Variants in RASSF3 observed in about 807,000 individuals in gnomAD.
RASSF3 encodes the protein ras association domain-containing protein 3.
Under a neutral mutation model 19.9 loss-of-function variants are expected in RASSF3, and 19 were observed. The observed-to-expected ratio is 0.96, with a 90% CI of 0.67 to 1.40. The LOEUF is 1.40. Among genes scored for constraint, RASSF3 ranks in the 40% most tolerant of loss-of-function variants. RASSF3 has a pLI of 0.00. For missense variants in RASSF3, 306 were observed against 289.8 expected (o/e 1.06, Z -0.41); for synonymous variants, 110 against 104.2 (o/e 1.06, Z -0.34).
chr12:64,606,289 C>T (rs573893713), upstream of RASSF3, among the ~76,000 whole-genome samples: 3 of 152,146 alleles, frequency 2.0e-5, no homozygotes, highest in Non-Finnish European at 4.4e-5. Flanking sequence ...TGAGATTGGA[C>T]TTCTTTTCCC....
chr12:64,673,712 C>T (rs1376148364), intron 1 of RASSF3, among the ~76,000 whole-genome samples: 3 of 152,088 alleles, frequency 2.0e-5, no homozygotes, highest in East Asian at 3.8e-4. Flanking sequence ...TCTTACATAG[C>T]TCACCTAGAA....
intron 2 of RASSF3, among the ~76,000 whole-genome samples, chr12:64,602,405 C>T (rs1163291191): frequency 1.3e-5 from 2 of 151,386 alleles, no homozygotes; most frequent in African/African-American, 4.9e-5. Flanking sequence ...ATGGTGAAAC[C>T]CCATCTCTAC....
intron 2 of RASSF3, among the ~76,000 whole-genome samples, chr12:64,582,149 A>G (rs1221570208): frequency 6.6e-6 from 1 of 152,286 alleles, no homozygotes; most frequent in Non-Finnish European, 1.5e-5. Flanking sequence ...CACTGTGCCC[A>G]GCTGACGATG....
intron 1 of RASSF3, among the ~76,000 whole-genome samples, chr12:64,629,206 A>G (rs1309308301): frequency 1.3e-5 from 2 of 151,524 alleles, no homozygotes; most frequent in Non-Finnish European, 1.5e-5. Context: ...GGTTCAAGCA[A>G]TCCTCCCACC....
At chr12:64,593,484 G>A (rs906062888) in intron 2 of RASSF3, among the ~76,000 whole-genome samples, 1 of 152,110 alleles carries the variant, frequency 6.6e-6, no homozygotes. Flanking sequence ...GCCTCCCAAA[G>A]TGCTGGGATT....
intron 1 of RASSF3, among the ~76,000 whole-genome samples, chr12:64,622,101 A>C (rs1049961423): frequency 1.3e-5 from 2 of 152,066 alleles, no homozygotes; most frequent in Non-Finnish European, 2.9e-5. Context: ...ACCAGGCTGG[A>C]GTGCAGTGGC....
intron 1 of RASSF3, among the ~76,000 whole-genome samples, chr12:64,629,426 TAGA>T (rs1871098019): frequency 6.6e-6 from 1 of 152,220 alleles, no homozygotes; most frequent in East Asian, 1.9e-4. Flanking sequence ...TTCTTCCAGC[TAGA>T]AGGACTATAC....
intron 2 of RASSF3, among the ~76,000 whole-genome samples, chr12:64,595,656 C>A (rs921899659): frequency 6.6e-6 from 1 of 152,116 alleles, no homozygotes. Flanking sequence ...GGAAAAGTTT[C>A]TTCTTCTACA....
At chr12:64,668,595 C>G (rs1288843114) in intron 1 of RASSF3, among the ~76,000 whole-genome samples, 1 of 151,838 alleles carries the variant, frequency 6.6e-6, no homozygotes, top group Admixed American at 6.6e-5. Flanking sequence ...CTTTTAATCA[C>G]CCTGGCTTGG....
intron 1 of RASSF3, among the ~76,000 whole-genome samples, chr12:64,514,464 C>G (rs538744707): frequency 3.3e-5 from 5 of 152,068 alleles, no homozygotes; most frequent in African/African-American, 1.2e-4. Context: ...AGATTACAGG[C>G]GTGAGCCACC....
chr12:64,527,268 C>CT (rs1395842416), intron 1 of RASSF3, among the ~76,000 whole-genome samples: 1 of 152,200 alleles, frequency 6.6e-6, no homozygotes, highest in Non-Finnish European at 1.5e-5. Context: ...AGAACCTGGT[C>CT]CTGCCATGTG....
At chr12:64,672,385 C>T (rs1414934434) in intron 1 of RASSF3, among the ~76,000 whole-genome samples, 2 of 152,076 alleles carry the variant, frequency 1.3e-5, no homozygotes, top group Admixed American at 6.6e-5. Flanking sequence ...GCCACCATGC[C>T]CAGCTAATTA....
intron 2 of RASSF3, among the ~76,000 whole-genome samples, chr12:64,599,809 A>G (rs1358100851): frequency 2.0e-5 from 3 of 151,930 alleles, no homozygotes; most frequent in Non-Finnish European, 2.9e-5. Context: ...GAGGCGGGTG[A>G]ATCACGAGGT....
chr12:64,572,322 A>G (rs1234944194), intron 2 of RASSF3, among the ~76,000 whole-genome samples: 3 of 152,178 alleles, frequency 2.0e-5, no homozygotes, highest in African/African-American at 7.2e-5. Flanking sequence ...ATGAGACACC[A>G]GAGAGCTTGC....
At chr12:64,610,475 AGGAGG>A (rs1248812738), upstream of RASSF3, 1 of 250,526 alleles carries the variant, frequency 4.0e-6, no homozygotes, top group African/African-American at 2.3e-5. Flanking sequence ...GGGAGGCGGC[AGGAGG>A]GGCCGGGAGA....
At chr12:64,652,606 A>T (rs1165649590) in intron 1 of RASSF3, among the ~76,000 whole-genome samples, 3 of 151,960 alleles carry the variant, frequency 2.0e-5, no homozygotes, top group Non-Finnish European at 4.4e-5. Flanking sequence ...GCTTGAGCAC[A>T]CTCTGGGAGT....
rs73321732 is a variant in RASSF3 at position 64,645,628 on chromosome 12, C to T, written c.111+34885C>T. On this transcript the variant is annotated intron_variant, in intron 1 of 4. Transcript: ENST00000542104. ...AAGTTTGTATTACTAGCCTTCTATCCTGTCTTCCCATCCTTACCAAAAAAA... is the reference window on the plus strand; with the variant it reads ...AAGTTTGTATTACTAGCCTTCTATCTTGTCTTCCCATCCTTACCAAAAAAA... Among the ~76,000 whole-genome samples, 1,071 of 152,092 alleles carry T rather than the reference C, an allele frequency of 7.0e-3. 15 individuals are homozygous for T. Among genetic ancestry groups the T allele is most frequent in the African/African-American group, 0.025 (1,031 of 41,478 alleles).
chr12:64,559,928 T>C (rs902418970), intron 2 of RASSF3, among the ~76,000 whole-genome samples: 6 of 152,274 alleles, frequency 3.9e-5, no homozygotes, highest in African/African-American at 1.4e-4. Flanking sequence ...GTCTTGATTA[T>C]ACTGCATTTG....
chr12:64,523,803 G>A (rs1394375872), intron 1 of RASSF3, among the ~76,000 whole-genome samples: 1 of 150,858 alleles, frequency 6.6e-6, no homozygotes, highest in Non-Finnish European at 1.5e-5. Flanking sequence ...ACATTTCTGG[G>A]CTCAAGCAAT....
Sources: allele counts gnomAD v4.1 joint callset (sites outside exome capture counted in the v4.1 genomes callset), GRCh38; gene constraint gnomAD v4.1.1; transcripts MANE v1.5; gene names NCBI Gene and HGNC (gene_info 2026-07-23, HGNC 2026-07-21).